Variants in PSMC3 observed in about 807,000 individuals in gnomAD.
The protein encoded by PSMC3 is proteasome 26S subunit, ATPase 3.
PSMC3 carries 11 observed loss-of-function variants against 52.0 expected under a neutral mutation model. That is an observed-to-expected ratio of 0.21 (90% CI 0.13 to 0.35). PSMC3 has a LOEUF of 0.35. Ranked by LOEUF, PSMC3 falls within the 10% of genes least tolerant of loss-of-function variation. PSMC3 has a pLI of 1.00. For synonymous variants in PSMC3, 201 were observed against 218.8 expected, an observed-to-expected ratio of 0.92 and a Z score of 0.72; for missense variants, 238 against 567.1, an observed-to-expected ratio of 0.42 and a Z score of 5.89.
rs756304289 is a variant in PSMC3, at chr11:47,426,235, C to T, written c.45G>A (p.Glu15=). 1.3e-6 allele frequency: 2 copies of T among 1,560,210 alleles called. No homozygotes were observed. Among genetic ancestry groups the T allele is most frequent in the East Asian group, 2.4e-5 (1 of 41,772 alleles). ...CCTCATCCCACACGGTCGCCATCTT[C>T]TCCTGCCGAGTCACTGGACTCTCAA... ...PNIESPVTRQ[E]KMATVWDEAE... is the part of the protein sequence containing the mutation. The change falls in exon 1 of 12, where the codon GAG becomes GAA. Residue 15 remains glutamate (E), a synonymous_variant. Transcript: ENST00000298852.
chr11:47,423,199 A>ACCATCCTGGCTAACAT (rs2096042736), intron 6 of PSMC3, among the ~76,000 whole-genome samples: 1 of 151,932 alleles, frequency 6.6e-6, no homozygotes, highest in African/African-American at 2.4e-5. Flanking sequence ...GGAGATCGAG[A>ACCATCCTGGCTAACAT]CCATCCTGGC....
At chr11:47,419,256 A>G in intron 10 of PSMC3, 59 bp from the exon 11 acceptor site, 1 of 1,570,640 alleles carries the variant, frequency 6.4e-7, no homozygotes, top group South Asian at 1.1e-5. Context: ...CAGAGGGGCC[A>G]AATATCCTCC....
intron 8 of PSMC3, among the ~76,000 whole-genome samples, chr11:47,421,857 G>A (rs1341513763): frequency 6.6e-6 from 1 of 151,580 alleles, no homozygotes; most frequent in Non-Finnish European, 1.5e-5. Context: ...TCACCATGTT[G>A]GCCAGGCTGG....
rs2096045063 is a variant in PSMC3 at position 47,425,260 on chromosome 11, GGGA to G, written c.160-17_160-15del. 2 of 1,613,850 alleles carry G rather than the reference GGGA, an allele frequency of 1.2e-6. No homozygotes were observed. The highest frequency in any genetic ancestry group is 1.7e-6 in the Non-Finnish European group (2 of 1,179,960). ...ACTCTTCATGATCTGAGATCAGGAG[GGGA>G]GGAGAAGCAAATATAAACCCTGGCA... On this transcript the variant is annotated splice_polypyrimidine_tract_variant and intron_variant, in intron 2 of 11. Transcript: ENST00000298852.
chr11:47,426,164 C>G (rs1250620191), intron 1 of PSMC3, 41 bp downstream of exon 1: 1 of 1,537,588 alleles, frequency 6.5e-7, no homozygotes, highest in South Asian at 1.2e-5. Flanking sequence ...CGTCTCCCTG[C>G]GGGCCCCGGT....
At chr11:47,420,470 CA>C in intron 9 of PSMC3, 61 bp from the exon 10 acceptor site, 2 of 1,573,382 alleles carry the variant, frequency 1.3e-6, no homozygotes, top group Admixed American at 1.8e-5. Context: ...CAGACACGGT[CA>C]AAAAAGGCAG....
chr11:47,420,600 A>T, intron 9 of PSMC3, 31 bp downstream of exon 9: 1 of 1,544,478 alleles, frequency 6.5e-7, no homozygotes, highest in South Asian at 1.2e-5. Context: ...TCTGAGCCTC[A>T]TCATCTTTGC....
chr11:47,425,070 TG>T, intron 3 of PSMC3, 50 bp downstream of exon 3: 1 of 1,612,104 alleles, frequency 6.2e-7, no homozygotes, highest in Non-Finnish European at 8.5e-7. Context: ...CACCCCAGGC[TG>T]TCCCCATTCC....
intron 10 of PSMC3, among the ~76,000 whole-genome samples, chr11:47,419,426 C>T (rs2096037294): frequency 6.6e-6 from 1 of 152,176 alleles, no homozygotes. Flanking sequence ...TGAGCTCTGG[C>T]CTTCTAGAAA....
rs1436057298 is a variant in PSMC3 at position 47,424,148 on chromosome 11, C to T, written c.489G>A (p.Thr163=). 1.6e-5 allele frequency: 26 copies of T among 1,614,156 alleles called. No homozygotes were observed. The highest frequency in any genetic ancestry group is 1.9e-5 in the Non-Finnish European group (23 of 1,180,036). ...CCCGCGAGTCATACTCTGTGGGCAGCGTCTCCAGGATCAGATAGGAGTCTT... is the reference window on the plus strand; with the variant it reads ...CCCGCGAGTCATACTCTGTGGGCAGTGTCTCCAGGATCAGATAGGAGTCTT... ...VNKDSYLILE[T]LPTEYDSRVK... is the part of the protein sequence containing the mutation. The change falls in exon 6 of 12, where the codon ACG becomes ACA. Residue 163 remains threonine (T), a synonymous_variant. Coordinates refer to ENST00000298852, the MANE Select transcript of PSMC3 (RefSeq NM_002804.5). This position sits in a 1 kb window ranked among gnomAD's most constrained non-coding sequence, Gnocchi z 4.8.
At chr11:47,420,834 G>A in intron 8 of PSMC3, 107 bp from the exon 9 acceptor site, 2 of 1,006,134 alleles carry the variant, frequency 2.0e-6, no homozygotes, top group Non-Finnish European at 2.9e-6. Context: ...GCAGGGAAAT[G>A]GCTCACTCAA....
chr11:47,419,951 C>T (rs1023327759), intron 10 of PSMC3, among the ~76,000 whole-genome samples: 11 of 152,058 alleles, frequency 7.2e-5, no homozygotes, highest in Admixed American at 3.3e-4. Context: ...CATCTGGTCC[C>T]GGCCATTCCT....
At chr11:47,419,391 A>G (rs994958062) in intron 10 of PSMC3, among the ~76,000 whole-genome samples, 194 bp from the exon 11 acceptor site, 3 of 152,226 alleles carry the variant, frequency 2.0e-5, no homozygotes, top group African/African-American at 4.8e-5. Flanking sequence ...AATGCAGGTT[A>G]TAACAGGTTA....
Position 47,424,535 on chromosome 11 carries a change from GA to G in PSMC3, c.391-45del. The G allele has an allele frequency of 6.2e-7, 1 of 1,609,648 alleles. No individual in the cohort carries two copies. The highest frequency in any genetic ancestry group is 8.5e-7 in the Non-Finnish European group (1 of 1,175,938). On this transcript the variant is annotated intron_variant, in intron 4 of 11. Coordinates refer to ENST00000298852, the MANE Select transcript of PSMC3 (RefSeq NM_002804.5). The surrounding 1 kb of genome is among the most constrained non-coding windows in gnomAD (Gnocchi z 4.8). ...GGCAGTCTCAGTTAGTGTCCTCAGG[GA>G]AGGCTCCCTAGTCCTGTCCCACATC...
Position 47,422,976 on chromosome 11 carries a change from G to A in PSMC3, c.592-3C>T. ...GGCAAGACAATGGCCTCCACCAGCT[G>A]CCAGGAGGAAGTCCTGGGTGAGGAG... On this transcript the variant is annotated splice_region_variant and splice_polypyrimidine_tract_variant and intron_variant, in intron 6 of 11. Transcript: ENST00000298852. The surrounding 1 kb of genome is among the most constrained non-coding windows in gnomAD (Gnocchi z 4.3). 6.2e-7 allele frequency: 1 copy of A among 1,605,860 alleles called. No homozygotes were observed. The highest frequency in any genetic ancestry group is 1.1e-5 in the South Asian group (1 of 90,008).
At position 47,422,095 on chromosome 11, in the gene PSMC3, T is replaced by G. The variant is rs1381314011; in HGVS notation, c.884+479A>C. 3.3e-5 allele frequency among the ~76,000 whole-genome samples: 5 copies of G among 151,042 alleles called. No homozygotes were observed. Among genetic ancestry groups the G allele is most frequent in the Non-Finnish European group, 5.9e-5 (4 of 67,800 alleles). On this transcript the variant is annotated intron_variant, in intron 8 of 11. Transcript: ENST00000298852. This position sits in a 1 kb window ranked among gnomAD's most constrained non-coding sequence, Gnocchi z 4.3. ...GTCTCACTCTTTCACCAGGCTGGAG[T>G]GCAGTGGCGCAATCTTGGCTCACTC...
At chr11:47,420,574 C>T (rs1240791236) in intron 9 of PSMC3, 57 bp downstream of exon 9, 37 of 1,523,588 alleles carry the variant, frequency 2.4e-5, no homozygotes, top group Non-Finnish European at 3.3e-5. Flanking sequence ...AGCTGGGGGC[C>T]TGACAGCTCC....
At position 47,424,258 on chromosome 11, in the gene PSMC3, G is replaced by A. The variant is rs2096043948; in HGVS notation, c.454-75C>T. 6.3e-7 allele frequency: 1 copy of A among 1,599,384 alleles called. No homozygotes were observed. Among genetic ancestry groups the A allele is most frequent in the East Asian group, 2.2e-5 (1 of 44,802 alleles). ...CCAACTGACTGGGTGACAGGTGTCT[G>A]CAGAGGGAAAGACACAGGACTGGGC... On this transcript the variant is annotated intron_variant, in intron 5 of 11. Transcript: ENST00000298852. The surrounding 1 kb of genome is among the most constrained non-coding windows in gnomAD (Gnocchi z 4.8).
chr11:47,423,040 G>A (rs2096042486), intron 6 of PSMC3, 67 bp from the exon 7 acceptor site: 2 of 1,463,862 alleles, frequency 1.4e-6, no homozygotes, highest in African/African-American at 1.4e-5. Flanking sequence ...ACCCTTCATG[G>A]CTCCAACCCC....
Sources: allele counts gnomAD v4.1 joint callset (sites outside exome capture counted in the v4.1 genomes callset), GRCh38; gene constraint gnomAD v4.1.1; non-coding constraint Gnocchi (gnomAD v3.1); transcripts MANE v1.5; gene names NCBI Gene and HGNC (gene_info 2026-07-23, HGNC 2026-07-21).